The following TAF5L variants were observed in gnomAD, a reference collection of about 807,000 sequenced individuals.
TAF5L encodes TATA-box binding protein associated factor 5 like.
In TAF5L, 7 loss-of-function variants were observed where a neutral mutation model predicts 51.3. The observed-to-expected ratio is 0.14, with a 90% CI of 0.08 to 0.26. The LOEUF (loss-of-function observed/expected upper bound fraction) is 0.26, where lower values mean the gene tolerates loss of function less well. Among genes scored for constraint, TAF5L ranks in the 10% least tolerant of loss-of-function variants. The probability of loss-of-function intolerance (pLI) is 1.00; values close to 1 mark genes in which losing one functional copy is unlikely to be tolerated. For synonymous variants in TAF5L, 291 were observed against 308.1 expected (o/e 0.94, Z 0.58); for missense variants, 575 against 758.9 (o/e 0.76, Z 2.85).
At chr1:229,613,329 CAAAAAAAAA>C (rs567436350) in intron 2 of TAF5L, among the ~76,000 whole-genome samples, 3 of 84,596 alleles carry the variant, frequency 3.5e-5, no homozygotes, top group African/African-American at 9.1e-5. Flanking sequence ...GACTCTGTCT[CAAAAAAAAA>C]AAAAAAAAAA....
intron 3 of TAF5L, chr1:229,607,121 CTTAT>C (rs1241441339): frequency 2.0e-5 from 20 of 985,448 alleles, no homozygotes; most frequent in Admixed American, 1.2e-4. Flanking sequence ...ACCCTTCTGA[CTTAT>C]TTATTTTCAA....
chr1:229,622,274 C>G (rs1023485604), intron 1 of TAF5L, among the ~76,000 whole-genome samples: 2 of 152,070 alleles, frequency 1.3e-5, no homozygotes, highest in Non-Finnish European at 2.9e-5. Context: ...TGAGGTTGCT[C>G]CAGTTGTTCC....
intron 3 of TAF5L, among the ~76,000 whole-genome samples, chr1:229,604,689 T>C (rs1664516451): frequency 6.6e-6 from 1 of 152,054 alleles, no homozygotes; most frequent in Non-Finnish European, 1.5e-5. Context: ...AAGGTTTGGG[T>C]CACCCCACCA....
intron 1 of TAF5L, among the ~76,000 whole-genome samples, chr1:229,619,738 C>G (rs563208388): frequency 5.3e-4 from 80 of 152,254 alleles, no homozygotes; most frequent in African/African-American, 1.9e-3. Flanking sequence ...CACTTTCCAG[C>G]ACCACCCTTC....
chr1:229,607,284 G>A lies in TAF5L; in HGVS notation c.247+2822C>T, dbSNP rs1034839859. 2.0e-5 allele frequency: 20 copies of A among 985,166 alleles called. No homozygotes were observed. In the African/African-American group the frequency reaches 3.0e-4, roughly 15 times the overall value. 61.0% of individuals were successfully genotyped at this position (985,166 alleles called of 1,614,324 possible). On this transcript the variant is annotated intron_variant, in intron 3 of 4. Transcript: ENST00000258281. ...CAGTTCCACAATGCTGTCAAATTCT[G>A]GTCCTTTCTCACCTCATTTCTCAAG...
intron 2 of TAF5L, among the ~76,000 whole-genome samples, chr1:229,610,906 T>C (rs1664763061): frequency 6.6e-6 from 1 of 152,246 alleles, no homozygotes; most frequent in Non-Finnish European, 1.5e-5. Flanking sequence ...GCTATGCTTT[T>C]TGAATCTTAA....
chr1:229,615,546 C>A (rs1459789509), intron 1 of TAF5L, among the ~76,000 whole-genome samples: 1 of 148,356 alleles, frequency 6.7e-6, no homozygotes, highest in Non-Finnish European at 1.5e-5. Flanking sequence ...GTGACCTGAA[C>A]AGAAGTAAAT....
chr1:229,606,910 A>G, intron 3 of TAF5L: 1 of 985,412 alleles, frequency 1.0e-6, no homozygotes, highest in Non-Finnish European at 1.2e-6. Context: ...GTGGATATAG[A>G]CATAGATACT....
chr1:229,604,056 C>G (rs942941448), intron 3 of TAF5L, among the ~76,000 whole-genome samples: 30 of 151,916 alleles, frequency 2.0e-4, no homozygotes, highest in African/African-American at 7.3e-4. Flanking sequence ...TGTAATGAGT[C>G]TGGGTTTCAT....
At chr1:229,601,933 C>T (rs1816878) in intron 4 of TAF5L, 101,623 of 1,250,356 alleles carry the variant, frequency 0.081, 7,274 homozygotes, top group East Asian at 0.46. Flanking sequence ...TTTCATTAGG[C>T]TTAGTGTTGC....
chr1:229,594,116 C>T lies in TAF5L; in HGVS notation c.*181G>A. On this transcript the variant is annotated 3_prime_UTR_variant, in exon 5 of 5. Transcript: ENST00000258281. The surrounding 1 kb of genome is among the most constrained non-coding windows in gnomAD (Gnocchi z 7.9). ...ATCATTGCCTCTCTCCTGTTCCCCTCCCCAACCTTGGCCTTCGACACTGGG... is the reference window on the plus strand; with the variant it reads ...ATCATTGCCTCTCTCCTGTTCCCCTTCCCAACCTTGGCCTTCGACACTGGG... 2 of 665,728 alleles carry T rather than the reference C, an allele frequency of 3.0e-6. No homozygotes were observed. Among genetic ancestry groups the T allele is most frequent in the South Asian group, 3.9e-5 (2 of 50,842 alleles). 41.2% of individuals were successfully genotyped at this position (665,728 alleles called of 1,614,324 possible).
chr1:229,624,183 TTAAG>T (rs1395097238), intron 1 of TAF5L, among the ~76,000 whole-genome samples: 1 of 152,236 alleles, frequency 6.6e-6, no homozygotes, highest in Admixed American at 6.5e-5. Flanking sequence ...TACTGAGTAG[TTAAG>T]TGAGGCCTTT....
Position 229,610,226 on chromosome 1 carries a change from T to C in TAF5L, c.143-16A>G, listed in dbSNP as rs765931416. The C allele has an allele frequency of 6.2e-7, 1 of 1,612,226 alleles. No homozygotes were observed. The highest frequency in any genetic ancestry group is 8.5e-7 in the Non-Finnish European group (1 of 1,178,348). On this transcript the variant is annotated splice_polypyrimidine_tract_variant and intron_variant, in intron 2 of 4. Coordinates refer to ENST00000258281, the Ensembl canonical transcript of TAF5L. ...TCTGATTGCACTAAAGAGGAGAAGA[T>C]ACACAAGTCAGGGCGGGAAACAGAG... is the stretch of plus-strand genomic sequence containing the variant.
chr1:229,598,285 C>A (rs1664205525), intron 4 of TAF5L, among the ~76,000 whole-genome samples: 2 of 152,122 alleles, frequency 1.3e-5, no homozygotes, highest in Admixed American at 1.3e-4. Context: ...TGAAATACAT[C>A]ATTAAAATTA....
chr1:229,602,893 C>T lies in TAF5L; in HGVS notation c.274G>A (p.Val92Met). The T allele has an allele frequency of 6.2e-7, 1 of 1,601,388 alleles. No individual in the cohort carries two copies. The highest frequency in any genetic ancestry group is 8.5e-7 in the Non-Finnish European group (1 of 1,178,162). Residue 92 changes from valine (V) to methionine (M), a missense_variant, in exon 4 of 5, where the codon GTG becomes ATG. This residue lies in a region of TAF5L where 380 missense variants were observed against 443.7 expected (regional missense o/e 0.86). Coordinates refer to ENST00000258281, the Ensembl canonical transcript of TAF5L. This position sits in a 1 kb window ranked among gnomAD's most constrained non-coding sequence, Gnocchi z 4.6. The stretch of plus-strand genomic sequence containing the variant: ...AAGAGAGGATAGAGGAGAGGCATCA[C>T]TTCGTGGCTATGCTGGGAATCAGAA...
rs762046097 is a variant in TAF5L, at chr1:229,602,637, C to T, written c.530G>A (p.Arg177His). The T allele has an allele frequency of 5.6e-6, 9 of 1,613,902 alleles. No individual in the cohort carries two copies. In the African/African-American group the frequency reaches 6.7e-5, roughly 12 times the overall value. Residue 177 changes from arginine to histidine, a missense_variant, in exon 4 of 5, where the codon CGC becomes CAC. Physicochemically the swap from Arg to His is conservative, Grantham distance 29. Coordinates refer to ENST00000258281, the Ensembl canonical transcript of TAF5L. This position sits in a 1 kb window ranked among gnomAD's most constrained non-coding sequence, Gnocchi z 4.6. ...AGTATTGTTGTCACTTTGGAGGTAG[C>T]GGATAAGGTAGTTGTAGCTGTCTTC...
Position 229,594,355 on chromosome 1 carries a change from A to C in TAF5L, c.1712T>G (p.Phe571Cys), listed in dbSNP as rs1664035250. ...CACCAGAAGAAGGTTACAGGCCATGAACTGCACGCTCAGGACGTTGCTCAT... is the reference window on the plus strand; with the variant it reads ...CACCAGAAGAAGGTTACAGGCCATGCACTGCACGCTCAGGACGTTGCTCAT... The change falls in exon 5 of 5, where the codon TTC becomes TGC. Residue 571 changes from phenylalanine to cysteine, a missense_variant. Physicochemically the swap from Phe to Cys is radical, Grantham distance 205. Around this residue, in one of 3 missense-constraint regions of TAF5L, gnomAD observed 91 missense variants for 96.9 expected, o/e 0.94. Transcript: ENST00000258281. This position sits in a 1 kb window ranked among gnomAD's most constrained non-coding sequence, Gnocchi z 7.9. 1 of 1,613,962 alleles carries C rather than the reference A, an allele frequency of 6.2e-7. No individual in the cohort carries two copies. Among genetic ancestry groups the C allele is most frequent in the Non-Finnish European group, 8.5e-7 (1 of 1,180,012 alleles).
rs1665428339 is a variant in TAF5L at position 229,625,702 on chromosome 1, T to TCGCGCCCGC, written c.-4+174_-4+182dup. On this transcript the variant is annotated intron_variant, in intron 1 of 4. Transcript: ENST00000258281. This position sits in a 1 kb window ranked among gnomAD's most constrained non-coding sequence, Gnocchi z 4.0. The stretch of plus-strand genomic sequence containing the variant: ...GAGGCCGAGGGCGGAGGCGCGGCCG[T>TCGCGCCCGC]CGCGCCCGCGCAGAGCCGCCCGCCG... Among the ~76,000 whole-genome samples the TCGCGCCCGC allele has an allele frequency of 6.8e-6, 1 of 146,378 alleles. No homozygotes were observed. The highest frequency in any genetic ancestry group is 2.1e-4 in the South Asian group (1 of 4,734).
In TAF5L at chr1:229,605,128, A is replaced by ATATATATATATATATT. The variant is rs1340196774; in HGVS notation, c.248-2210_248-2209insAATATATATATATATA. Among the ~76,000 whole-genome samples the ATATATATATATATATT allele has an allele frequency of 3.6e-4, 52 of 145,152 alleles. 1 individual carries two copies. Among genetic ancestry groups the ATATATATATATATATT allele is most frequent in the African/African-American group, 1.3e-3 (51 of 38,608 alleles). On this transcript the variant is annotated intron_variant, in intron 3 of 4. Transcript: ENST00000258281. ...TGTATGTATATATATATATATATGTATTTTTTTTTTAGTAGAGATGAGGTT... is the reference window on the plus strand; with the variant it reads ...TGTATGTATATATATATATATATGTATATATATATATATATTTTTTTTTTTTAGTAGAGATGAGGTT...
Sources: gnomAD v4.1 joint callset for allele counts (sites outside exome capture counted in the v4.1 genomes callset) on GRCh38, gnomAD v4.1.1 for gene constraint, gnomAD v4.1.1 regional missense constraint, Gnocchi (gnomAD v3.1) non-coding constraint, MANE v1.5 for transcripts, NCBI Gene and HGNC (gene_info 2026-07-23, HGNC 2026-07-21) for gene names.